Variants in TPM4 observed in about 807,000 individuals in gnomAD.
TPM4 encodes the protein tropomyosin alpha-4 chain.
A neutral mutation model predicts 35.8 loss-of-function variants in TPM4; 17 were observed. That is an observed-to-expected ratio of 0.47 (90% confidence interval 0.32 to 0.71). The LOEUF (loss-of-function observed/expected upper bound fraction) is 0.71. Among genes scored for constraint, TPM4 ranks in the 30% least tolerant of loss-of-function variants. The pLI is 0.03. For missense variants in TPM4, 240 were observed against 320.9 expected, an observed-to-expected ratio of 0.75 and a Z score of 1.93; for synonymous variants, 120 against 122.9, an observed-to-expected ratio of 0.98 and a Z score of 0.15.
rs1433720768 is a variant in TPM4, at chr19:16,101,624, A to C, written c.*278A>C. The C allele has an allele frequency of 2.9e-6, 1 of 346,790 alleles. No individual in the cohort carries two copies. The highest frequency in any genetic ancestry group is 2.1e-5 in the African/African-American group (1 of 47,468). 21.5% of individuals were successfully genotyped at this position (346,790 alleles called of 1,614,324 possible). Reference sequence around the variant, plus strand: ...TAAGGTAGGCAGGGTATTTCCTAGTAAGCATACTTTCTTAAGACGGAGGCC... The same window carrying C: ...TAAGGTAGGCAGGGTATTTCCTAGTCAGCATACTTTCTTAAGACGGAGGCC... On this transcript the variant is annotated 3_prime_UTR_variant, in exon 8 of 8. Coordinates refer to ENST00000643579, the MANE Select transcript of TPM4 (RefSeq NM_003290.3).
At chr19:16,099,063 C>T (rs2090734113) in intron 7 of TPM4, among the ~76,000 whole-genome samples, 1 of 114,810 alleles carries the variant, frequency 8.7e-6, no homozygotes, top group Admixed American at 9.2e-5. Context: ...GTCATAGTCA[C>T]TTGACTCTGT....
At chr19:16,095,337 C>T in intron 7 of TPM4, 1 of 1,038,564 alleles carries the variant, frequency 9.6e-7, no homozygotes, top group Non-Finnish European at 1.2e-6. Flanking sequence ...ACGACATGAC[C>T]TCTCTCTGAG....
upstream of TPM4, chr19:16,074,215 G>A (rs1029217173): frequency 1.3e-5 from 2 of 152,226 alleles, no homozygotes; most frequent in African/African-American, 4.8e-5. Flanking sequence ...AAGGGAAGCT[G>A]GCCTAGTGTG....
chr19:16,085,084 C>T (rs2090532271), intron 2 of TPM4, among the ~76,000 whole-genome samples: 1 of 151,904 alleles, frequency 6.6e-6, no homozygotes, highest in African/African-American at 2.4e-5. Flanking sequence ...GACCCCATCT[C>T]TACAAAAAAA....
At chr19:16,090,810 A>AGT (rs895090749) in intron 5 of TPM4, among the ~76,000 whole-genome samples, 10 of 145,468 alleles carry the variant, frequency 6.9e-5, no homozygotes, top group Non-Finnish European at 1.5e-4. Context: ...ATATATCTGT[A>AGT]GTGTGTGTGT....
At chr19:16,076,143 C>G, upstream of TPM4, 1 of 1,570,484 alleles carries the variant, frequency 6.4e-7, no homozygotes. Flanking sequence ...GCAGGAGAAG[C>G]TGGAGCTCAC....
upstream of TPM4, chr19:16,075,789 T>G (rs1427297004): frequency 4.9e-6 from 2 of 405,212 alleles, no homozygotes; most frequent in Non-Finnish European, 8.7e-6. Flanking sequence ...AAGCTGCCAT[T>G]GATCTCCCTA....
At chr19:16,068,955 G>C (rs1004261258) in intron 2 of TPM4, among the ~76,000 whole-genome samples, 1 of 152,198 alleles carries the variant, frequency 6.6e-6, no homozygotes, top group Non-Finnish European at 1.5e-5. Flanking sequence ...TGGAAAGTAG[G>C]TGTGAAAGAG....
chr19:16,076,195 G>GC, upstream of TPM4: 1 of 1,552,226 alleles, frequency 6.4e-7, no homozygotes, highest in Non-Finnish European at 8.7e-7. Flanking sequence ...GGATGCGGGA[G>GC]CCCGCGGCGG....
At chr19:16,079,546 C>G (rs2090455812) in intron 1 of TPM4, among the ~76,000 whole-genome samples, 1 of 152,168 alleles carries the variant, frequency 6.6e-6, no homozygotes, top group Non-Finnish European at 1.5e-5. Context: ...CACTGCAATA[C>G]GAAACACCTG....
At chr19:16,089,986 T>C (rs775461558) in intron 5 of TPM4, among the ~76,000 whole-genome samples, 55 of 151,734 alleles carry the variant, frequency 3.6e-4, no homozygotes, top group Non-Finnish European at 2.8e-4. Context: ...AGCCTCCCGA[T>C]TACACGCTAA....
chr19:16,081,021 C>T, intron 1 of TPM4: 1 of 398,590 alleles, frequency 2.5e-6, no homozygotes, highest in Non-Finnish European at 4.4e-6. Flanking sequence ...ATCTCTCAGC[C>T]AGGCGGATTG....
intron 1 of TPM4, among the ~76,000 whole-genome samples, chr19:16,078,912 G>A (rs571479091): frequency 2.0e-5 from 3 of 150,424 alleles, no homozygotes; most frequent in Non-Finnish European, 4.4e-5. Flanking sequence ...CCTGTTTCCC[G>A]ACAGCTGGTT....
chr19:16,091,296 C>A (rs2090623571), intron 5 of TPM4, among the ~76,000 whole-genome samples: 1 of 152,122 alleles, frequency 6.6e-6, no homozygotes, highest in Non-Finnish European at 1.5e-5. Flanking sequence ...AAGTGATCCA[C>A]CCACCTCGGC....
intron 1 of TPM4, chr19:16,080,317 C>T (rs1244547065): frequency 4.3e-5 from 9 of 207,690 alleles, no homozygotes; most frequent in Middle Eastern, 1.6e-3. Context: ...AAAATGGGTG[C>T]GATGTGTGAG....
At chr19:16,094,133 T>C (rs2090665269) in intron 7 of TPM4, among the ~76,000 whole-genome samples, 1 of 151,836 alleles carries the variant, frequency 6.6e-6, no homozygotes, top group Non-Finnish European at 1.5e-5. Context: ...CCTGGCTAAT[T>C]GAATTGCCAC....
At chr19:16,076,364 T>C, upstream of TPM4, 1 of 1,438,508 alleles carries the variant, frequency 7.0e-7, no homozygotes. Context: ...CGTCAGGCCC[T>C]CCCCCAGCGG....
intron 4 of TPM4, chr19:16,088,578 C>G: frequency 9.7e-7 from 1 of 1,035,106 alleles, no homozygotes; most frequent in Non-Finnish European, 1.2e-6. Context: ...CCTCTTGGCC[C>G]CGGGTGAGGA....
intron 7 of TPM4, among the ~76,000 whole-genome samples, chr19:16,098,869 T>G (rs2090732417): frequency 6.6e-6 from 1 of 152,202 alleles, no homozygotes; most frequent in Admixed American, 6.5e-5. Flanking sequence ...TCTACTACTT[T>G]AACCATGCCA....
Sources: allele counts gnomAD v4.1 joint callset (sites outside exome capture counted in the v4.1 genomes callset), GRCh38; gene constraint gnomAD v4.1.1; transcripts MANE v1.5; gene names NCBI Gene and HGNC (gene_info 2026-07-23, HGNC 2026-07-21).